The following OR7G2 variants were observed in gnomAD, a reference collection of about 807,000 sequenced individuals.
OR7G2 encodes olfactory receptor 7G2.
For missense variants in OR7G2, 362 were observed against 384.0 expected (o/e 0.94, Z 0.48); for synonymous variants, 153 against 152.2 (o/e 1.01, Z -0.04).
Position 9,102,549 on chromosome 19 carries a change from CT to C in OR7G2, c.694del (p.Ser232ValfsTer45). On this transcript the variant is annotated frameshift_variant, in exon 2 of 2. Transcript: ENST00000641081. LOFTEE classifies it low-confidence loss of function (END_TRUNC). The stretch of plus-strand genomic sequence containing the variant: ...GGTGGAAACTGCTTTGTGCTTTCCA[CT>C]TGCTGATGGCATTCTCAAAACACAG... The part of the protein sequence containing the change: ...TSCVLRMPSA[S>X]GKHKAVSTCG... 6.2e-7 allele frequency: 1 copy of C among 1,614,204 alleles called. No homozygotes were observed. Among genetic ancestry groups the C allele is most frequent in the Non-Finnish European group, 8.5e-7 (1 of 1,180,050 alleles).
At chr19:9,105,907 G>A (rs560574285) in intron 1 of OR7G2, among the ~76,000 whole-genome samples, 1 of 151,152 alleles carries the variant, frequency 6.6e-6, no homozygotes, top group Non-Finnish European at 1.5e-5. Context: ...AAAAAAAAGA[G>A]AGAAGGGAAG....
Position 9,103,219 on chromosome 19 carries a change from T to C in OR7G2, c.25A>G (p.Ile9Val). 1 of 1,614,054 alleles carries C rather than the reference T, an allele frequency of 6.2e-7. No individual in the cohort carries two copies. The highest frequency in any genetic ancestry group is 2.2e-5 in the East Asian group (1 of 44,872). Residue 9 changes from isoleucine (I) to valine (V), a missense_variant, in exon 2 of 2, where the codon ATT becomes GTT. Ile to Val is a conservative substitution (Grantham distance 29). Transcript: ENST00000641081. ...AGTCCCAGGAGAAGGAATTTTGAAA[T>C]AGCTGTTTGGTTTCTCGCTTCCATG... MEARNQTA[I>V]SKFLLLGLIE...
intron 1 of OR7G2, among the ~76,000 whole-genome samples, chr19:9,104,787 A>G (rs1031860722): frequency 6.6e-6 from 1 of 151,386 alleles, no homozygotes; most frequent in Non-Finnish European, 1.5e-5. Context: ...AGATCGCGCC[A>G]CTGCACTCCA....
chr19:9,104,048 T>C (rs181315863), intron 1 of OR7G2, among the ~76,000 whole-genome samples: 4 of 149,874 alleles, frequency 2.7e-5, no homozygotes, highest in Admixed American at 1.3e-4. Flanking sequence ...TAAAAAAAAA[T>C]TTTTTTTTTC....
intron 1 of OR7G2, among the ~76,000 whole-genome samples, chr19:9,104,709 C>A (rs1289718676): frequency 3.3e-5 from 5 of 151,592 alleles, no homozygotes; most frequent in East Asian, 4.0e-4. Context: ...CGCCTGTGGT[C>A]CCAGCTACTC....
At position 9,103,172 on chromosome 19, in the gene OR7G2, C is replaced by T; in HGVS notation, c.72G>A (p.Gln24=). 1 of 1,614,130 alleles carries T rather than the reference C, an allele frequency of 6.2e-7. No homozygotes were observed. The highest frequency in any genetic ancestry group is 2.2e-5 in the East Asian group (1 of 44,882). ...LLGLIEDPEL[Q]PVLFSLFLSM... ...ACAGGAACAGGCTGAAAAGGACGGG[C>T]TGCAGTTCCGGATCCTCTATCAGTC... The change falls in exon 2 of 2, where the codon CAG becomes CAA. Residue 24 remains glutamine, a synonymous_variant. Transcript: ENST00000641081.
intron 1 of OR7G2, among the ~76,000 whole-genome samples, chr19:9,103,580 T>A (rs2050368705): frequency 6.7e-6 from 1 of 149,098 alleles, no homozygotes; most frequent in Non-Finnish European, 1.5e-5. Flanking sequence ...AATCTTAGCT[T>A]ATTGCAAGCT....
intron 1 of OR7G2, among the ~76,000 whole-genome samples, chr19:9,105,160 G>A (rs891673246): frequency 1.2e-4 from 18 of 151,612 alleles, no homozygotes; most frequent in African/African-American, 3.9e-4. Flanking sequence ...TAGTAGAGAC[G>A]GGTTTCACTA....
rs955628 is a variant in OR7G2, at chr19:9,107,449, C to T, written c.-152G>A. 10,594 of 152,160 alleles carry T rather than the reference C, an allele frequency of 0.07. 390 individuals carry two copies. The highest frequency in any genetic ancestry group is 0.097 in the South Asian group (465 of 4,818). 9.4% of individuals were successfully genotyped at this position (152,160 alleles called of 1,614,324 possible). On this transcript the variant is annotated 5_prime_UTR_variant, in exon 1 of 2. Coordinates refer to ENST00000641081, the MANE Select transcript of OR7G2 (RefSeq NM_001005193.2). ...GAGATGTTCAGTGAGGTGCTTACAG[C>T]CTGACTTGTTGCACTGTCTATATCC...
intron 1 of OR7G2, 118 bp from the exon 2 acceptor site, chr19:9,103,377 A>T: frequency 1.1e-6 from 1 of 873,976 alleles, no homozygotes. Flanking sequence ...AACTCTGGGG[A>T]TGAGAACCGA....
Position 9,107,045 on chromosome 19 carries a change from A to T in OR7G2, c.-17+269T>A, listed in dbSNP as rs149952121. 5.4e-3 allele frequency among the ~76,000 whole-genome samples: 826 copies of T among 151,858 alleles called. 14 individuals are homozygous for T. The highest frequency in any genetic ancestry group is 0.019 in the African/African-American group (784 of 41,450). ...AGTGAGAACCTGTGTCTACAAAAAAAATTTAAAAATTTGCAAAGTGTAATG... is the reference window on the plus strand; with the variant it reads ...AGTGAGAACCTGTGTCTACAAAAAATATTTAAAAATTTGCAAAGTGTAATG... On this transcript the variant is annotated intron_variant, in intron 1 of 1. Transcript: ENST00000641081.
chr19:9,107,337 A>G lies in OR7G2; in HGVS notation c.-40T>C, dbSNP rs957095. 44,492 of 152,070 alleles carry G rather than the reference A, an allele frequency of 0.29. 7,296 individuals carry two copies. Among genetic ancestry groups the G allele is most frequent in the East Asian group, 0.59 (3,059 of 5,166 alleles). 9.4% of individuals were successfully genotyped at this position (152,070 alleles called of 1,614,324 possible). ...ACATGGATATTGCAGAGGATGATCT[A>G]TCCTCAGGAAGTGCAGACAGACTCG... On this transcript the variant is annotated 5_prime_UTR_variant, in exon 1 of 2. Coordinates refer to ENST00000641081, the MANE Select transcript of OR7G2 (RefSeq NM_001005193.2).
In OR7G2 at chr19:9,104,409, T is replaced by C. The variant is rs1372225559; in HGVS notation, c.-16-1150A>G. On this transcript the variant is annotated intron_variant, in intron 1 of 1. Transcript: ENST00000641081. ...TTTCACATGTGATTTTCTAAGACAA[T>C]CATCCAATTTTCAATGTTACCCAAA... is the stretch of plus-strand genomic sequence containing the variant. Among the ~76,000 whole-genome samples, 5 of 152,114 alleles carry C rather than the reference T, an allele frequency of 3.3e-5. No homozygotes were observed. In the East Asian group the frequency reaches 7.7e-4, roughly 23 times the overall value.
Position 9,101,447 on chromosome 19 carries a change from C to T in OR7G2, c.*822G>A, listed in dbSNP as rs941578739. 2.6e-5 allele frequency: 4 copies of T among 152,200 alleles called. No individual in the cohort carries two copies. The highest frequency in any genetic ancestry group is 4.4e-5 in the Non-Finnish European group (3 of 68,072). The allele number at this position is 152,200 out of a possible 1,614,324, so 9.4% of individuals were successfully genotyped here. A position where few individuals can be genotyped will look rare whatever the true frequency, so the allele number is the denominator to read the frequency against. On this transcript the variant is annotated 3_prime_UTR_variant, in exon 2 of 2. Transcript: ENST00000641081. ...ACTTAGCCAGGAGCGGTGGCTCACG[C>T]CTCTAATCCCAGTAATCCCAGAACT...
At position 9,102,617 on chromosome 19, in the gene OR7G2, A is replaced by T. The variant is rs1440415712; in HGVS notation, c.627T>A (p.Val209=). 3 of 1,614,174 alleles carry T rather than the reference A, an allele frequency of 1.9e-6. No homozygotes were observed. Among genetic ancestry groups the T allele is most frequent in the Non-Finnish European group, 2.5e-6 (3 of 1,180,024 alleles). ...AAGACAAAATGATTCCAGACAGAGG[A>T]ACACCACCAAATATGCAAGCTGCAA... The part of the protein sequence containing the change: ...IYFAACIFGG[V]PLSGIILSYT... The change falls in exon 2 of 2, where the codon GTT becomes GTA. Residue 209 remains valine (V), a synonymous_variant. Transcript: ENST00000641081.
chr19:9,106,449 A>G (rs1010108367), intron 1 of OR7G2, among the ~76,000 whole-genome samples: 3 of 139,456 alleles, frequency 2.2e-5, no homozygotes, highest in Non-Finnish European at 3.2e-5. Flanking sequence ...AAATTCACAC[A>G]ATTCACCATC....
At position 9,102,480 on chromosome 19, in the gene OR7G2, C is replaced by T. The variant is rs2050360056; in HGVS notation, c.764G>A (p.Gly255Asp). ...LSIVLLFYGA[G>D]LGVYISSVVT... ...CACAGAACTAATGTACACCCCCAAA[C>T]CTGCCCCATAGAACAAGAGAACAAT... Residue 255 changes from glycine to aspartate, a missense_variant, in exon 2 of 2, where the codon GGT becomes GAT. Transcript: ENST00000641081. 4 of 1,613,972 alleles carry T rather than the reference C, an allele frequency of 2.5e-6. No homozygotes were observed. Among genetic ancestry groups the T allele is most frequent in the East Asian group, 2.2e-5 (1 of 44,886 alleles).
intron 1 of OR7G2, among the ~76,000 whole-genome samples, chr19:9,103,866 GTTTT>G (rs74176681): frequency 4.0e-5 from 4 of 101,076 alleles, no homozygotes; most frequent in Non-Finnish European, 5.8e-5. Flanking sequence ...ATGTGGAAAT[GTTTT>G]TTTTTTTTTT....
chr19:9,105,526 T>C (rs908116055), intron 1 of OR7G2, among the ~76,000 whole-genome samples: 5 of 152,122 alleles, frequency 3.3e-5, no homozygotes, highest in Admixed American at 3.3e-4. Context: ...AAAAGGCTTT[T>C]AATAAAATTC....
Sources: allele counts gnomAD v4.1 joint callset (sites outside exome capture counted in the v4.1 genomes callset), GRCh38; gene constraint gnomAD v4.1.1; transcripts MANE v1.5; gene names NCBI Gene and HGNC (gene_info 2026-07-23, HGNC 2026-07-21).